IL17RE: variants seen among roughly 807,000 people sequenced by gnomAD.
IL17RE encodes the protein interleukin 17 receptor E.
IL17RE carries 47 observed loss-of-function variants against 70.7 expected under a neutral mutation model. The observed-to-expected ratio is 0.67, with a 90% CI of 0.53 to 0.85. The LOEUF (loss-of-function observed/expected upper bound fraction) is 0.85, where lower values mean the gene tolerates loss of function less well. Among genes scored for constraint, IL17RE ranks in the 40% least tolerant of loss-of-function variants. IL17RE has a pLI of 0.00. For missense variants in IL17RE, 850 were observed against 893.9 expected, an observed-to-expected ratio of 0.95 and a Z score of 0.63; for synonymous variants, 372 against 381.2, an observed-to-expected ratio of 0.98 and a Z score of 0.28.
At chr3:9,907,216 C>A in intron 6 of IL17RE, 116 bp downstream of exon 6, 1 of 1,324,304 alleles carries the variant, frequency 7.6e-7, no homozygotes, top group Non-Finnish European at 1.1e-6. Context: ...TGTCCAAGAC[C>A]TCCTTACAAG....
At chr3:9,902,758 A>T, upstream of IL17RE, 1 of 1,536,052 alleles carries the variant, frequency 6.5e-7, no homozygotes, top group Non-Finnish European at 8.7e-7. Context: ...AGGGGAAGGA[A>T]TGTGGCCTGG....
In IL17RE at chr3:9,903,076, C is replaced by A; in HGVS notation, c.132+12C>A. ...TGGCCTCCCACACGGTAAGGTGCTG[C>A]TGCCAGGTAGGGACACCTGCCTGGC... On this transcript the variant is annotated intron_variant, in intron 1 of 15. Coordinates refer to ENST00000383814, the MANE Select transcript of IL17RE (RefSeq NM_153480.2). The A allele has an allele frequency of 6.2e-7, 1 of 1,608,924 alleles. No individual in the cohort carries two copies. The highest frequency in any genetic ancestry group is 8.5e-7 in the Non-Finnish European group (1 of 1,175,526).
chr3:9,913,115 A>G (rs1425196373), intron 12 of IL17RE, among the ~76,000 whole-genome samples: 1 of 152,204 alleles, frequency 6.6e-6, no homozygotes, highest in Non-Finnish European at 1.5e-5. Flanking sequence ...ATAAAAATGA[A>G]GAAAGTAGGC....
intron 2 of IL17RE, 88 bp downstream of exon 2, chr3:9,903,500 C>A: frequency 6.9e-7 from 1 of 1,443,172 alleles, no homozygotes; most frequent in Non-Finnish European, 9.7e-7. Flanking sequence ...ATTTTCAGTT[C>A]CCAACCCGGG....
At chr3:9,912,360 C>T (rs1343232003) in intron 12 of IL17RE, among the ~76,000 whole-genome samples, 1 of 152,124 alleles carries the variant, frequency 6.6e-6, no homozygotes, top group Non-Finnish European at 1.5e-5. Flanking sequence ...CTGATGCCTT[C>T]CCTTGAACCC....
At position 9,911,129 on chromosome 3, in the gene IL17RE, G is replaced by A. The variant is rs748111948; in HGVS notation, c.981G>A (p.Trp327Ter). ...PNATARESDG[W>*]YVLEKVDLHP... is the part of the protein sequence containing the mutation. ...TGAACTCTCCTCTCCTCCCACAGTG[G>A]TATGTTTTGGAGAAGGTGGACCTGC... The change falls in exon 10 of 16, where the codon TGG (tryptophan) becomes TGA (stop). Residue 327 changes from tryptophan (W) to a stop codon, truncating the protein, a stop_gained and splice_region_variant. Transcript: ENST00000383814. LOFTEE classifies it high-confidence loss of function. The A allele has an allele frequency of 6.2e-7, 1 of 1,614,166 alleles. No homozygotes were observed. Among genetic ancestry groups the A allele is most frequent in the Non-Finnish European group, 8.5e-7 (1 of 1,180,012 alleles).
Position 9,909,207 on chromosome 3 carries a change from G to A in IL17RE, c.736-10G>A, listed in dbSNP as rs755594200. The A allele has an allele frequency of 1.8e-5, 29 of 1,612,638 alleles. No individual in the cohort carries two copies. Among genetic ancestry groups the A allele is most frequent in the East Asian group, 2.2e-5 (1 of 44,898 alleles). ...CCTCTGACCCTCCCCACCTGCTCCC[G>A]TCTCTCCAGGCATCCTACCTGCAAG... On this transcript the variant is annotated splice_polypyrimidine_tract_variant and intron_variant, in intron 7 of 15. Transcript: ENST00000383814.
At chr3:9,914,522 AG>A (rs1176397796) in intron 13 of IL17RE, 25 bp from the exon 14 acceptor site, 5 of 1,612,814 alleles carry the variant, frequency 3.1e-6, no homozygotes, top group Non-Finnish European at 4.2e-6. Flanking sequence ...CCTGGCTCAT[AG>A]GGGTGGGGGG....
chr3:9,907,083 A>G lies in IL17RE; in HGVS notation c.649A>G (p.Ser217Gly), dbSNP rs2125077699. Residue 217 changes from serine (S) to glycine (G), a missense_variant, in exon 6 of 16, where the codon AGT (serine) becomes GGT (glycine). Coordinates refer to ENST00000383814, the MANE Select transcript of IL17RE (RefSeq NM_153480.2). ...GGCACTGGAGTGTGAAGAGCTGAGCAGTCCCTATGATGTCCAGGTATGGTG... is the reference window on the plus strand; with the variant it reads ...GGCACTGGAGTGTGAAGAGCTGAGCGGTCCCTATGATGTCCAGGTATGGTG... Reference protein sequence around the residue: ...QWALECEELSSPYDVQKIVSG... With the variant: ...QWALECEELSGPYDVQKIVSG... 6.2e-7 allele frequency: 1 copy of G among 1,614,216 alleles called. No homozygotes were observed. The highest frequency in any genetic ancestry group is 1.3e-5 in the African/African-American group (1 of 75,050).
At chr3:9,912,111 T>C (rs972992122) in intron 12 of IL17RE, among the ~76,000 whole-genome samples, 2 of 152,178 alleles carry the variant, frequency 1.3e-5, no homozygotes, top group African/African-American at 4.8e-5. Flanking sequence ...GTCCAGTGGC[T>C]GCATTAGATT....
In IL17RE at chr3:9,904,055, C is replaced by G. The variant is rs759166537; in HGVS notation, c.172C>G (p.Arg58Gly). ...AGGAAGTTCTGCCTATATCCCTTGC[C>G]GCACCTGGTGGGCCCTCTTCTCCAC... The part of the protein sequence containing the change: ...FTGSSAYIPC[R>G]TWWALFSTKP... Residue 58 changes from arginine to glycine, a missense_variant, in exon 3 of 16, where the codon CGC (arginine) becomes GGC (glycine). By Grantham distance (125) the Arg-to-Gly change is moderately radical. Transcript: ENST00000383814. 4 of 1,614,016 alleles carry G rather than the reference C, an allele frequency of 2.5e-6. No individual in the cohort carries two copies. Among genetic ancestry groups the G allele is most frequent in the South Asian group, 1.1e-5 (1 of 91,088 alleles).
chr3:9,908,373 G>A, intron 7 of IL17RE, 66 bp downstream of exon 7: 1 of 1,367,254 alleles, frequency 7.3e-7, no homozygotes, highest in Non-Finnish European at 1.0e-6. Flanking sequence ...TAGCGCAGTT[G>A]GTCAAGTATA....
In IL17RE at chr3:9,916,026, C is replaced by A. The variant is rs935444059; in HGVS notation, c.*219C>A. On this transcript the variant is annotated 3_prime_UTR_variant, in exon 16 of 16. Coordinates refer to ENST00000383814, the MANE Select transcript of IL17RE (RefSeq NM_153480.2). ...TTCCCTTGACTGAGAGCTCCTCTAACCCCTGTTCTGATGGGGGAGGGCGGT... is the reference window on the plus strand; with the variant it reads ...TTCCCTTGACTGAGAGCTCCTCTAAACCCTGTTCTGATGGGGGAGGGCGGT... 11 of 728,176 alleles carry A rather than the reference C, an allele frequency of 1.5e-5. No individual in the cohort carries two copies. Among genetic ancestry groups the A allele is most frequent in the Middle Eastern group, 8.8e-4 (2 of 2,270 alleles). 45.1% of individuals were successfully genotyped at this position (728,176 alleles called of 1,614,324 possible).
At chr3:9,905,045 A>C (rs1325391746) in intron 3 of IL17RE, among the ~76,000 whole-genome samples, 2 of 147,048 alleles carry the variant, frequency 1.4e-5, no homozygotes, top group Non-Finnish European at 3.0e-5. Context: ...CAGTGAGTTA[A>C]GATAGCGCCA....
chr3:9,903,464 A>G (rs960770528), intron 2 of IL17RE, 52 bp downstream of exon 2: 3 of 1,599,624 alleles, frequency 1.9e-6, no homozygotes, highest in Non-Finnish European at 2.6e-6. Flanking sequence ...CTATTTTTGC[A>G]GATGCCTAGC....
In IL17RE at chr3:9,906,951, C is replaced by A. The variant is rs748430080; in HGVS notation, c.527-10C>A. The A allele has an allele frequency of 9.3e-6, 15 of 1,614,174 alleles. No homozygotes were observed. The highest frequency in any genetic ancestry group is 1.1e-5 in the Non-Finnish European group (13 of 1,180,032). On this transcript the variant is annotated splice_polypyrimidine_tract_variant and intron_variant, in intron 5 of 15. Transcript: ENST00000383814. Reference sequence around the variant, plus strand: ...AAGAGACAAGGCCACTGAGTCCTTCCTCTCCCCAGGACCCGAGTTCTCCTT... The same window carrying A: ...AAGAGACAAGGCCACTGAGTCCTTCATCTCCCCAGGACCCGAGTTCTCCTT...
chr3:9,902,944 C>T lies in IL17RE; in HGVS notation c.12C>T (p.Ser4=). ...TTGCACAGAAGCCCATGGGGAGCTC[C>T]AGACTGGCAGCCCTGCTCCTGCCTC... The part of the protein sequence containing the change: MGS[S]RLAALLLPLL... Residue 4 remains serine (S), a synonymous_variant, in exon 1 of 16, where the codon TCC becomes TCT. Transcript: ENST00000383814. 1 of 1,614,246 alleles carries T rather than the reference C, an allele frequency of 6.2e-7. No individual in the cohort carries two copies. Among genetic ancestry groups the T allele is most frequent in the Non-Finnish European group, 8.5e-7 (1 of 1,180,030 alleles).
At chr3:9,905,464 GGAAGGAAGGAAGGAAC>G (rs915884360) in intron 3 of IL17RE, among the ~76,000 whole-genome samples, 10 of 151,102 alleles carry the variant, frequency 6.6e-5, no homozygotes, top group Non-Finnish European at 1.5e-4. Context: ...AAGAAAGGAA[GGAAGGAAGGAAGGAAC>G]GAAGGAAGGA....
rs763927148 is a variant in IL17RE at position 9,914,761 on chromosome 3, C to G, written c.1431C>G (p.Cys477Trp). The G allele has an allele frequency of 6.2e-7, 1 of 1,613,616 alleles. No individual in the cohort carries two copies. Among genetic ancestry groups the G allele is most frequent in the South Asian group, 1.1e-5 (1 of 91,070 alleles). ...TGGGTGTTGTTCTGGCCCTCACCTGCCGGCGCCCACAGTCAGGTAAGCTCA... is the reference window on the plus strand; with the variant it reads ...TGGGTGTTGTTCTGGCCCTCACCTGGCGGCGCCCACAGTCAGGTAAGCTCA... ...TLLGVVLALT[C>W]RRPQSGPGPA... is the part of the protein sequence containing the mutation. The change falls in exon 15 of 16, where the codon TGC becomes TGG. Residue 477 changes from cysteine (C) to tryptophan (W), a missense_variant. Coordinates refer to ENST00000383814, the MANE Select transcript of IL17RE (RefSeq NM_153480.2).
Sources: gnomAD v4.1 joint callset for allele counts (sites outside exome capture counted in the v4.1 genomes callset) on GRCh38, gnomAD v4.1.1 for gene constraint, MANE v1.5 for transcripts, NCBI Gene and HGNC (gene_info 2026-07-23, HGNC 2026-07-21) for gene names.